PRKACB: variants seen among roughly 807,000 people sequenced by gnomAD.
PRKACB encodes the protein protein kinase cAMP-activated catalytic subunit beta.
Under a neutral mutation model 51.4 loss-of-function variants are expected in PRKACB, and 16 were observed. The ratio of observed to expected loss-of-function variants is 0.31; its 90% confidence interval spans 0.21 to 0.47. PRKACB has a LOEUF of 0.47. Among genes scored for constraint, PRKACB ranks in the 20% least tolerant of loss-of-function variants. PRKACB has a pLI of 1.00. For missense variants in PRKACB, 309 were observed against 464.5 expected, an observed-to-expected ratio of 0.67 and a Z score of 3.08; for synonymous variants, 147 against 154.4, an observed-to-expected ratio of 0.95 and a Z score of 0.35.
In PRKACB at chr1:84,230,430, C is replaced by G. The variant is rs1675429416; in HGVS notation, c.1072-4750C>G. 2.0e-5 allele frequency among the ~76,000 whole-genome samples: 3 copies of G among 152,040 alleles called. 1 individual carries two copies. In the South Asian group the frequency reaches 6.2e-4, roughly 32 times the overall value. The stretch of plus-strand genomic sequence containing the variant: ...TGGCGATGCGGGCTCTTTTTTGGTT[C>G]CATATGAACTTTAAAGTAGTTTTTC... On this transcript the variant is annotated intron_variant, in intron 9 of 9. Transcript: ENST00000370685.
chr1:84,145,652 A>G (rs1178557984), intron 1 of PRKACB, among the ~76,000 whole-genome samples: 2 of 152,062 alleles, frequency 1.3e-5, no homozygotes, highest in African/African-American at 4.8e-5. Flanking sequence ...TTTTCCACTT[A>G]AAAGGTTTTG....
chr1:84,080,502 CA>C (rs985234035), intron 1 of PRKACB, among the ~76,000 whole-genome samples: 2 of 151,000 alleles, frequency 1.3e-5, no homozygotes, highest in African/African-American at 2.4e-5. Flanking sequence ...GTGAAGTGAC[CA>C]AAAAAAATAG....
Position 84,236,654 on chromosome 1 carries a change from T to A in PRKACB, c.*1349T>A, listed in dbSNP as rs903758103. ...TGAGAGGTTAGTTTTTTTCCTACAC[T>A]TTTTTTTGCCAACTGACTTAACAAC... On this transcript the variant is annotated 3_prime_UTR_variant, in exon 10 of 10. Coordinates refer to ENST00000370685, the MANE Select transcript of PRKACB (RefSeq NM_182948.4). 41 of 152,568 alleles carry A rather than the reference T, an allele frequency of 2.7e-4. No individual in the cohort carries two copies. Among genetic ancestry groups the A allele is most frequent in the African/African-American group, 9.6e-4 (40 of 41,534 alleles). The allele number at this position is 152,568 out of a possible 1,614,324, so 9.5% of individuals were successfully genotyped here. A position where few individuals can be genotyped will look rare whatever the true frequency, so the allele number is the denominator to read the frequency against.
chr1:84,172,174 C>T (rs1659727152), intron 1 of PRKACB, among the ~76,000 whole-genome samples: 1 of 151,520 alleles, frequency 6.6e-6, no homozygotes, highest in Non-Finnish European at 1.5e-5. Flanking sequence ...TTTGTTACTG[C>T]CGAAGTTGAT....
intron 9 of PRKACB, among the ~76,000 whole-genome samples, chr1:84,226,328 G>A (rs1421900137): frequency 6.8e-6 from 1 of 146,610 alleles, no homozygotes; most frequent in Non-Finnish European, 1.5e-5. Flanking sequence ...TAACAGTAAA[G>A]TTGCATATTA....
chr1:84,089,683 G>A (rs1648301180), intron 1 of PRKACB, among the ~76,000 whole-genome samples: 1 of 151,966 alleles, frequency 6.6e-6, no homozygotes, highest in Non-Finnish European at 1.5e-5. Flanking sequence ...TCTGTTCTTT[G>A]ACCATGTTAT....
intron 1 of PRKACB, among the ~76,000 whole-genome samples, chr1:84,082,291 A>G (rs1368914704): frequency 6.6e-6 from 1 of 152,180 alleles, no homozygotes; most frequent in African/African-American, 2.4e-5. Flanking sequence ...GACACACAGA[A>G]TAGCTTAGAC....
At chr1:84,128,010 T>C (rs1651789900) in intron 1 of PRKACB, among the ~76,000 whole-genome samples, 2 of 136,804 alleles carry the variant, frequency 1.5e-5, no homozygotes, top group Non-Finnish European at 1.5e-5. Context: ...TTTTTTTCTT[T>C]TTTTTTTTTT....
chr1:84,191,834 A>T (rs1391526200), intron 5 of PRKACB, among the ~76,000 whole-genome samples: 1 of 152,112 alleles, frequency 6.6e-6, no homozygotes, highest in African/African-American at 2.4e-5. Context: ...TCTAAAATAT[A>T]AATTTTAAAA....
At chr1:84,110,888 T>G (rs187773664) in intron 1 of PRKACB, among the ~76,000 whole-genome samples, 17 of 152,156 alleles carry the variant, frequency 1.1e-4, no homozygotes, top group Admixed American at 9.2e-4. Flanking sequence ...GCCAGAATTT[T>G]GGGTGTCATC....
chr1:84,204,408 C>T (rs2101476642), intron 8 of PRKACB: 2 of 1,140,484 alleles, frequency 1.8e-6, no homozygotes, highest in South Asian at 2.6e-5. Context: ...GTATCAGTAT[C>T]ACTGCTGTTC....
chr1:84,220,075 A>G (rs1209886126), intron 9 of PRKACB, among the ~76,000 whole-genome samples: 1 of 151,978 alleles, frequency 6.6e-6, no homozygotes, highest in Non-Finnish European at 1.5e-5. Flanking sequence ...TTTCTGATTC[A>G]TGACCATGAC....
In PRKACB at chr1:84,101,048, A is replaced by G. The variant is rs115300222; in HGVS notation, c.46+22677A>G. On this transcript the variant is annotated intron_variant, in intron 1 of 8. Transcript: ENST00000370688. Reference sequence around the variant, plus strand: ...AATGATAAGAAACTCATTACGCTGTAAGGCTATGTGCCAGTCAGAGTTACA... The same window carrying G: ...AATGATAAGAAACTCATTACGCTGTGAGGCTATGTGCCAGTCAGAGTTACA... Among the ~76,000 whole-genome samples the G allele has an allele frequency of 3.1e-3, 474 of 152,352 alleles. 2 individuals carry two copies. Among genetic ancestry groups the G allele is most frequent in the Middle Eastern group, 0.031 (9 of 294 alleles).
At chr1:84,196,539 A>C in intron 5 of PRKACB, 77 bp from the exon 6 acceptor site, 1 of 1,417,186 alleles carries the variant, frequency 7.1e-7, no homozygotes, top group Non-Finnish European at 9.5e-7. Context: ...ACTTCATATT[A>C]GTTTTTATGC....
intron 8 of PRKACB, among the ~76,000 whole-genome samples, chr1:84,213,625 C>G (rs1672453435): frequency 6.6e-6 from 1 of 152,132 alleles, no homozygotes; most frequent in Non-Finnish European, 1.5e-5. Context: ...TAAAAGCCAA[C>G]TTCTGATAAA....
At chr1:84,158,461 T>C (rs535373671) in intron 1 of PRKACB, among the ~76,000 whole-genome samples, 25 of 152,326 alleles carry the variant, frequency 1.6e-4, no homozygotes, top group African/African-American at 5.8e-4. Context: ...AACCCATTTG[T>C]GTATGTACTT....
chr1:84,149,283 A>T (rs1044310139), intron 1 of PRKACB, among the ~76,000 whole-genome samples: 14 of 151,958 alleles, frequency 9.2e-5, no homozygotes, highest in East Asian at 7.7e-4. Flanking sequence ...TTTTTTAAAC[A>T]GAGTCTTACC....
chr1:84,088,407 T>G (rs1443412974), intron 1 of PRKACB, among the ~76,000 whole-genome samples: 1 of 152,236 alleles, frequency 6.6e-6, no homozygotes, highest in African/African-American at 2.4e-5. Context: ...CATATTAGTT[T>G]AGAGTCCTGT....
chr1:84,167,682 A>G lies in PRKACB; in HGVS notation c.188-11495A>G, dbSNP rs1056240064. Among the ~76,000 whole-genome samples the G allele has an allele frequency of 2.0e-5, 3 of 151,576 alleles. No individual in the cohort carries two copies. The East Asian group carries it at 5.8e-4, about 29-fold the overall frequency. On this transcript the variant is annotated intron_variant, in intron 1 of 9. Coordinates refer to ENST00000370685, the MANE Select transcript of PRKACB (RefSeq NM_182948.4). ...CCAAACACAGCAAGGTACCCAATAAATACTTATAGAATTAATGATAAACTA... is the reference window on the plus strand; with the variant it reads ...CCAAACACAGCAAGGTACCCAATAAGTACTTATAGAATTAATGATAAACTA...
Sources: gnomAD v4.1 joint callset for allele counts (sites outside exome capture counted in the v4.1 genomes callset) on GRCh38, gnomAD v4.1.1 for gene constraint, MANE v1.5 for transcripts, NCBI Gene and HGNC (gene_info 2026-07-23, HGNC 2026-07-21) for gene names.